The following NRG3 variants were observed in gnomAD, a reference collection of about 807,000 sequenced individuals.
NRG3 encodes the protein neuregulin 3.
NRG3 carries 31 observed loss-of-function variants against 66.9 expected under a neutral mutation model. The ratio of observed to expected loss-of-function variants is 0.46; its 90% CI spans 0.35 to 0.63. NRG3 has a LOEUF of 0.63. Ranked by LOEUF, NRG3 falls within the 20% of genes least tolerant of loss-of-function variation. The probability of loss-of-function intolerance (pLI) is 0.00; values close to 1 mark genes in which losing one functional copy is unlikely to be tolerated. For missense variants in NRG3, 910 were observed against 878.9 expected (o/e 1.04, Z -0.45); for synonymous variants, 393 against 359.4 (o/e 1.09, Z -1.06).
Position 82,720,645 on chromosome 10 carries a change from C to T in NRG3, c.954-17932C>T, listed in dbSNP as rs1356302827. Among the ~76,000 whole-genome samples the T allele has an allele frequency of 3.3e-5, 5 of 151,638 alleles. No individual in the cohort carries two copies. The East Asian group carries it at 5.8e-4, about 18-fold the overall frequency. On this transcript the variant is annotated intron_variant, in intron 2 of 8. Coordinates refer to ENST00000372141, the MANE Select transcript of NRG3 (RefSeq NM_001010848.4). Reference sequence around the variant, plus strand: ...AACAGTGTCATGAGGGTTACTTTACCTAACCTTTGTAATGCTCTCAGCACA... The same window carrying T: ...AACAGTGTCATGAGGGTTACTTTACTTAACCTTTGTAATGCTCTCAGCACA...
chr10:82,670,452 G>T (rs1243681651), intron 2 of NRG3, among the ~76,000 whole-genome samples: 2 of 152,102 alleles, frequency 1.3e-5, no homozygotes, highest in Admixed American at 1.3e-4. Flanking sequence ...TTATTATTCA[G>T]TCCTATATCA....
Position 82,353,191 on chromosome 10 carries a change from A to G in NRG3, c.824-5548A>G, listed in dbSNP as rs117651726. Among the ~76,000 whole-genome samples, 1,070 of 152,282 alleles carry G rather than the reference A, an allele frequency of 7.0e-3. 9 individuals carry two copies. Among genetic ancestry groups the G allele is most frequent in the Middle Eastern group, 0.051 (15 of 294 alleles). On this transcript the variant is annotated intron_variant, in intron 1 of 8. Coordinates refer to ENST00000372141, the MANE Select transcript of NRG3 (RefSeq NM_001010848.4). The stretch of plus-strand genomic sequence containing the variant: ...AGGAAGAGCAAGAATTCCATTTTCT[A>G]TAAGCAAATTCTGAGCTGCTTTTGG...
intron 2 of NRG3, among the ~76,000 whole-genome samples, chr10:82,622,159 T>C (rs1264745506): frequency 1.3e-5 from 2 of 152,132 alleles, no homozygotes; most frequent in Non-Finnish European, 2.9e-5. Context: ...ATTTCACATT[T>C]AGAAGCTAAT....
intron 2 of NRG3, among the ~76,000 whole-genome samples, chr10:82,433,795 T>C (rs2089968674): frequency 6.6e-6 from 1 of 152,206 alleles, no homozygotes; most frequent in South Asian, 2.1e-4. Flanking sequence ...TCTGTTCTAC[T>C]TCATAGGTCT....
At chr10:81,947,848 CA>C (rs1298840297) in intron 1 of NRG3, among the ~76,000 whole-genome samples, 1 of 152,096 alleles carries the variant, frequency 6.6e-6, no homozygotes, top group Non-Finnish European at 1.5e-5. Context: ...GTGAGAAACT[CA>C]GGCATCCCAG....
chr10:82,633,097 T>C (rs73313586), intron 2 of NRG3, among the ~76,000 whole-genome samples: 3,159 of 152,306 alleles, frequency 0.021, 52 homozygotes, highest in Middle Eastern at 0.044. Context: ...CATCTGACTG[T>C]GTTTAAGCAA....
At chr10:82,884,158 T>C (rs930456967) in intron 4 of NRG3, among the ~76,000 whole-genome samples, 3 of 147,686 alleles carry the variant, frequency 2.0e-5, no homozygotes, top group Non-Finnish European at 4.5e-5. Context: ...AAAATTTCCC[T>C]TGGGGGGAAA....
chr10:82,231,130 G>A (rs986738194), intron 1 of NRG3, among the ~76,000 whole-genome samples: 1 of 152,066 alleles, frequency 6.6e-6, no homozygotes, highest in Non-Finnish European at 1.5e-5. Flanking sequence ...ATCACCTAAG[G>A]TCAGGAGTTC....
chr10:82,050,145 A>G (rs559130726), intron 1 of NRG3, among the ~76,000 whole-genome samples: 1 of 146,548 alleles, frequency 6.8e-6, no homozygotes, highest in African/African-American at 2.5e-5. Flanking sequence ...TTTGTGTTCA[A>G]GGAGTGGAAT....
At chr10:81,959,620 T>C (rs1289606711) in intron 1 of NRG3, among the ~76,000 whole-genome samples, 3 of 152,174 alleles carry the variant, frequency 2.0e-5, no homozygotes, top group Admixed American at 2.0e-4. Context: ...ATGTGGTCTT[T>C]ATTGTTAAAA....
rs534078963 is a variant in NRG3, at chr10:82,427,075, G to A, written c.953+68207G>A. On this transcript the variant is annotated intron_variant, in intron 2 of 8. Coordinates refer to ENST00000372141, the MANE Select transcript of NRG3 (RefSeq NM_001010848.4). ...GAACTTTTAAATTCGTTCCAGTAGG[G>A]TATGTGTGGGTGTGCATTTGTGTGT... Among the ~76,000 whole-genome samples, 17 of 152,010 alleles carry A rather than the reference G, an allele frequency of 1.1e-4. No homozygotes were observed. In the South Asian group the frequency reaches 3.3e-3, roughly 30 times the overall value.
At position 82,560,074 on chromosome 10, in the gene NRG3, T is replaced by G. The variant is rs543074188; in HGVS notation, c.954-178503T>G. On this transcript the variant is annotated intron_variant, in intron 2 of 8. Transcript: ENST00000372141. ...ATCATCTTTCCTATTAAGTTTATCTTCAAGTATTCATGTTTTTAAAGATAT... is the reference window on the plus strand; with the variant it reads ...ATCATCTTTCCTATTAAGTTTATCTGCAAGTATTCATGTTTTTAAAGATAT... Among the ~76,000 whole-genome samples the G allele has an allele frequency of 2.6e-3, 388 of 152,044 alleles. 2 individuals are homozygous for G. The highest frequency in any genetic ancestry group is 4.1e-3 in the Non-Finnish European group (277 of 67,902).
intron 4 of NRG3, among the ~76,000 whole-genome samples, chr10:82,944,429 C>A (rs1291379152): frequency 6.6e-6 from 1 of 152,116 alleles, no homozygotes; most frequent in Non-Finnish European, 1.5e-5. Context: ...CAGTCATGAA[C>A]TGACAATTAA....
chr10:81,883,542 G>A (rs1006980450), intron 1 of NRG3, among the ~76,000 whole-genome samples: 1 of 152,132 alleles, frequency 6.6e-6, no homozygotes, highest in Non-Finnish European at 1.5e-5. Context: ...AAGTGATAGT[G>A]TGTATCATGG....
intron 6 of NRG3, among the ~76,000 whole-genome samples, chr10:82,971,870 AATTAT>A (rs1157599160): frequency 2.0e-5 from 3 of 152,122 alleles, no homozygotes; most frequent in Non-Finnish European, 4.4e-5. Context: ...TTTTATACAT[AATTAT>A]ATTTTATTTG....
chr10:82,838,043 T>C (rs1473998647), intron 3 of NRG3, among the ~76,000 whole-genome samples: 1 of 152,090 alleles, frequency 6.6e-6, no homozygotes, highest in Non-Finnish European at 1.5e-5. Flanking sequence ...TTTGAAAGAG[T>C]TGGAGTGTCT....
At chr10:82,874,368 A>C (rs1841613131) in intron 4 of NRG3, among the ~76,000 whole-genome samples, 1 of 151,826 alleles carries the variant, frequency 6.6e-6, no homozygotes, top group Non-Finnish European at 1.5e-5. Context: ...TAGTTTGTGA[A>C]CTGGCGTTAG....
chr10:82,213,579 A>G (rs1041002179), intron 1 of NRG3, among the ~76,000 whole-genome samples: 4 of 152,174 alleles, frequency 2.6e-5, no homozygotes, highest in Admixed American at 6.6e-5. Flanking sequence ...GATAAATGAT[A>G]TGGAACCTCA....
At chr10:82,969,916 TAC>T (rs907879198) in intron 6 of NRG3, among the ~76,000 whole-genome samples, 6 of 152,236 alleles carry the variant, frequency 3.9e-5, no homozygotes, top group Non-Finnish European at 8.8e-5. Context: ...CATAAATATA[TAC>T]ACAATCTATT....
Sources: allele counts gnomAD v4.1 joint callset (sites outside exome capture counted in the v4.1 genomes callset), GRCh38; gene constraint gnomAD v4.1.1; transcripts MANE v1.5; gene names NCBI Gene and HGNC (gene_info 2026-07-23, HGNC 2026-07-21).